GALM: variants seen among roughly 807,000 people sequenced by gnomAD.
The protein encoded by GALM is galactose mutarotase.
GALM carries 43 observed loss-of-function variants against 37.4 expected under a neutral mutation model. The observed-to-expected ratio is 1.15, with a 90% CI of 0.90 to 1.48. The LOEUF (loss-of-function observed/expected upper bound fraction) is 1.48. Among genes scored for constraint, GALM ranks in the 40% most tolerant of loss-of-function variants. GALM has a pLI of 0.00. For missense variants in GALM, 456 were observed against 419.1 expected, an observed-to-expected ratio of 1.09 and a Z score of -0.77; for synonymous variants, 199 against 170.6, an observed-to-expected ratio of 1.17 and a Z score of -1.30.
At chr2:38,671,115 C>T (rs1665088582) in intron 1 of GALM, among the ~76,000 whole-genome samples, 1 of 152,174 alleles carries the variant, frequency 6.6e-6, no homozygotes, top group Non-Finnish European at 1.5e-5. Flanking sequence ...CTAAGCTCAG[C>T]AATTGACTTG....
chr2:38,720,236 G>A (rs1361639622), intron 4 of GALM, among the ~76,000 whole-genome samples: 1 of 151,824 alleles, frequency 6.6e-6, no homozygotes, highest in East Asian at 1.9e-4. Context: ...AATTTTTATT[G>A]TTTTAATCTG....
intron 3 of GALM, among the ~76,000 whole-genome samples, chr2:38,686,277 T>TTTCTCTCTTTCTC (rs1558582155): frequency 7.1e-5 from 8 of 112,446 alleles, no homozygotes; most frequent in Admixed American, 1.9e-4. Flanking sequence ...TCTTTCTTTC[T>TTTCTCTCTTTCTC]TATTTTGAGA....
intron 1 of GALM, among the ~76,000 whole-genome samples, chr2:38,667,372 A>G (rs935051852): frequency 2.8e-5 from 4 of 144,316 alleles, no homozygotes; most frequent in African/African-American, 1.0e-4. Flanking sequence ...TGGCCAGACC[A>G]GCCTGGCCAG....
rs114313397 is a variant in GALM at position 38,707,544 on chromosome 2, G to C, written c.634+17650G>C. Among the ~76,000 whole-genome samples, 835 of 152,272 alleles carry C rather than the reference G, an allele frequency of 5.5e-3. 8 individuals are homozygous for C. Among genetic ancestry groups the C allele is most frequent in the African/African-American group, 0.019 (779 of 41,552 alleles). On this transcript the variant is annotated intron_variant, in intron 4 of 6. Transcript: ENST00000272252. ...ACCTGGGAACCTGCATGGCTGTGGT[G>C]GTTGTTGTCCTGACCCCGTTTAAGA...
At chr2:38,666,664 T>C (rs1479477423) in intron 1 of GALM, among the ~76,000 whole-genome samples, 1 of 152,222 alleles carries the variant, frequency 6.6e-6, no homozygotes, top group African/African-American at 2.4e-5. Context: ...GCCTAATCTT[T>C]GAACTGCCTG....
Position 38,731,876 on chromosome 2 carries a change from G to A in GALM, c.918G>A (p.Leu306=). ...AVYPKHSGFC[L]ETQNWPDAVN... ...ATCCCAAGCACTCCGGTTTCTGCCT[G>A]GAGACTCAGAACTGGCCTGATGCAG... is the stretch of plus-strand genomic sequence containing the variant. The change falls in exon 6 of 7, where the codon CTG becomes CTA. Residue 306 remains leucine (L), a synonymous_variant. Coordinates refer to ENST00000272252, the MANE Select transcript of GALM (RefSeq NM_138801.3). The A allele has an allele frequency of 6.2e-7, 1 of 1,614,164 alleles. No individual in the cohort carries two copies. The highest frequency in any genetic ancestry group is 8.5e-7 in the Non-Finnish European group (1 of 1,180,004).
chr2:38,669,887 A>C lies in GALM; in HGVS notation c.190+3536A>C, dbSNP rs539004174. On this transcript the variant is annotated intron_variant, in intron 1 of 6. Transcript: ENST00000272252. ...ACTTCATCTCAAAAGAAGAAAAAAAAAGTTTTTCTTTTTTTTTTTTTTTTT... is the reference window on the plus strand; with the variant it reads ...ACTTCATCTCAAAAGAAGAAAAAAACAGTTTTTCTTTTTTTTTTTTTTTTT... Among the ~76,000 whole-genome samples the C allele has an allele frequency of 3.4e-5, 5 of 147,242 alleles. No individual in the cohort carries two copies. The South Asian group carries it at 6.5e-4, about 19-fold the overall frequency.
At chr2:38,708,200 C>T (rs72795182) in intron 4 of GALM, among the ~76,000 whole-genome samples, 6 of 151,726 alleles carry the variant, frequency 4.0e-5, no homozygotes, top group South Asian at 2.1e-4. Context: ...CTTGGGAGAC[C>T]GAGGCAAGAG....
At chr2:38,684,613 C>A (rs1043788811) in intron 3 of GALM, among the ~76,000 whole-genome samples, 1 of 152,156 alleles carries the variant, frequency 6.6e-6, no homozygotes, top group Non-Finnish European at 1.5e-5. Context: ...CAAGACCAAC[C>A]TGCCCAACAT....
intron 3 of GALM, among the ~76,000 whole-genome samples, chr2:38,686,220 A>ATTTCTTTCTTTCTTTCTTTCTTTC (rs200050911): frequency 1.2e-4 from 11 of 93,562 alleles, no homozygotes; most frequent in African/African-American, 4.5e-4. Flanking sequence ...GAAAGTGGAA[A>ATTTCTTTCTTTCTTTCTTTCTTTC]TTTCTTTCTT....
chr2:38,666,430 C>G, intron 1 of GALM, 79 bp downstream of exon 1: 2 of 1,136,774 alleles, frequency 1.8e-6, no homozygotes, highest in Non-Finnish European at 2.5e-6. Context: ...GGGCCACTTG[C>G]AATGCGAGGG....
intron 2 of GALM, among the ~76,000 whole-genome samples, chr2:38,680,861 T>C (rs1665376712): frequency 6.6e-6 from 1 of 152,036 alleles, no homozygotes; most frequent in African/African-American, 2.4e-5. Context: ...AGGGACCAGG[T>C]GCGGTGGCTC....
At chr2:38,702,979 G>T (rs548571354) in intron 4 of GALM, among the ~76,000 whole-genome samples, 1 of 120,786 alleles carries the variant, frequency 8.3e-6, no homozygotes, top group African/African-American at 3.2e-5. Flanking sequence ...TTAATTAGCT[G>T]GGCATGGTGG....
In GALM at chr2:38,678,346, G is replaced by T. The variant is rs1030997591; in HGVS notation, c.345+2280G>T. The stretch of plus-strand genomic sequence containing the variant: ...TTTTTTTAAGATGACAGTTGAATAG[G>T]ATTTGAAATGGTATAAGAAGATCTA... On this transcript the variant is annotated intron_variant, in intron 2 of 6. Transcript: ENST00000272252. 3.9e-5 allele frequency among the ~76,000 whole-genome samples: 6 copies of T among 152,158 alleles called. No homozygotes were observed. The South Asian group carries it at 1.2e-3, about 32-fold the overall frequency.
chr2:38,711,809 T>G (rs868772834), intron 4 of GALM, among the ~76,000 whole-genome samples: 1 of 143,894 alleles, frequency 6.9e-6, no homozygotes. Context: ...ACCATCACCA[T>G]CATCATCATC....
chr2:38,713,710 T>C (rs754983070), intron 4 of GALM, among the ~76,000 whole-genome samples: 4 of 152,018 alleles, frequency 2.6e-5, no homozygotes, highest in Non-Finnish European at 5.9e-5. Context: ...TTGAGACCAG[T>C]CTGAGCAACA....
At chr2:38,670,475 C>A (rs1365491065) in intron 1 of GALM, among the ~76,000 whole-genome samples, 1 of 152,170 alleles carries the variant, frequency 6.6e-6, no homozygotes, top group Non-Finnish European at 1.5e-5. Context: ...CCAGGAGCAC[C>A]CTGGTGGGAG....
rs1354100942 is a variant in GALM, at chr2:38,714,348, G to C, written c.635-15208G>C. Reference sequence around the variant, plus strand: ...TCCTGCTTCAGCCTCCCGATTAGCTGGGACTACAGGCGTGCACCACCACAC... The same window carrying C: ...TCCTGCTTCAGCCTCCCGATTAGCTCGGACTACAGGCGTGCACCACCACAC... On this transcript the variant is annotated intron_variant, in intron 4 of 6. Coordinates refer to ENST00000272252, the MANE Select transcript of GALM (RefSeq NM_138801.3). 2.6e-5 allele frequency among the ~76,000 whole-genome samples: 4 copies of C among 152,040 alleles called. No homozygotes were observed. The East Asian group carries it at 5.8e-4, about 22-fold the overall frequency.
chr2:38,717,213 G>T (rs1666285742), intron 4 of GALM, among the ~76,000 whole-genome samples: 1 of 151,372 alleles, frequency 6.6e-6, no homozygotes, highest in Non-Finnish European at 1.5e-5. Flanking sequence ...TCACGCCATT[G>T]CACCCCAGCC....
Sources: allele counts gnomAD v4.1 joint callset (sites outside exome capture counted in the v4.1 genomes callset), GRCh38; gene constraint gnomAD v4.1.1; transcripts MANE v1.5; gene names NCBI Gene and HGNC (gene_info 2026-07-23, HGNC 2026-07-21).